HERC3: variants seen among roughly 807,000 people sequenced by gnomAD.
HERC3 encodes the protein HECT and RLD domain containing E3 ubiquitin protein ligase 3, also known as probable E3 ubiquitin-protein ligase HERC3.
In HERC3, 58 loss-of-function variants were observed where a neutral mutation model predicts 129.9. The ratio of observed to expected loss-of-function variants is 0.45; its 90% confidence interval spans 0.36 to 0.56. The LOEUF is 0.56. Ranked by LOEUF, HERC3 falls within the 20% of genes least tolerant of loss-of-function variation. The pLI is 0.00. For synonymous variants in HERC3, 430 were observed against 451.0 expected (o/e 0.95, Z 0.59); for missense variants, 835 against 1,244.2 (o/e 0.67, Z 4.95).
At position 88,659,153 on chromosome 4, in the gene HERC3, C is replaced by T. The variant is rs1223490121; in HGVS notation, c.1146+662C>T. Reference sequence around the variant, plus strand: ...TTGTTGTCAGTGCTGGACTCCTTCCCCTGTGCTTTCTCTCCTCTCTTCTCT... The same window carrying T: ...TTGTTGTCAGTGCTGGACTCCTTCCTCTGTGCTTTCTCTCCTCTCTTCTCT... On this transcript the variant is annotated intron_variant, in intron 10 of 25. Transcript: ENST00000402738. 2.0e-5 allele frequency among the ~76,000 whole-genome samples: 3 copies of T among 152,148 alleles called. No individual in the cohort carries two copies. In the East Asian group the frequency reaches 5.8e-4, roughly 29 times the overall value.
chr4:88,633,289 A>G (rs978020977), intron 3 of HERC3, among the ~76,000 whole-genome samples: 1 of 152,218 alleles, frequency 6.6e-6, no homozygotes, highest in Admixed American at 6.5e-5. Context: ...ATCAAGAATG[A>G]AGAAGAGGAA....
At chr4:88,557,094 C>T in the HERC3 span, among the ~76,000 whole-genome samples, 1 of 152,160 alleles carries the variant, frequency 6.6e-6, no homozygotes, top group Non-Finnish European at 1.5e-5. Flanking sequence ...CCTCTTCCTT[C>T]CTCTCCCTTT....
chr4:88,703,762 A>AT (rs1336238415), intron 23 of HERC3, among the ~76,000 whole-genome samples: 1 of 152,148 alleles, frequency 6.6e-6, no homozygotes, highest in Non-Finnish European at 1.5e-5. Flanking sequence ...AGGTCTTATT[A>AT]TTTTTTCCAC....
intron 1 of HERC3, among the ~76,000 whole-genome samples, chr4:88,595,069 C>G (rs1020677277): frequency 1.1e-4 from 15 of 138,980 alleles, no homozygotes; most frequent in African/African-American, 4.0e-4. Flanking sequence ...CCACTGCACT[C>G]CAGCCTGGGT....
At chr4:88,685,349 A>C (rs547669674) in intron 21 of HERC3, among the ~76,000 whole-genome samples, 2 of 152,238 alleles carry the variant, frequency 1.3e-5, no homozygotes, top group African/African-American at 4.8e-5. Context: ...AATCAACCCA[A>C]ATGCCCATCA....
intron 3 of HERC3, among the ~76,000 whole-genome samples, chr4:88,627,904 CAAAAAAAA>C (rs60358778): frequency 3.7e-5 from 3 of 80,960 alleles, no homozygotes; most frequent in East Asian, 2.6e-4. Flanking sequence ...AACTCCGTCT[CAAAAAAAA>C]AAAAAAAAAA....
chr4:88,606,287 C>T (rs986445274), intron 3 of HERC3, among the ~76,000 whole-genome samples: 19 of 150,188 alleles, frequency 1.3e-4, no homozygotes, highest in Non-Finnish European at 2.1e-4. Context: ...GGTCTCGCTC[C>T]GTCGCCCAGG....
At chr4:88,642,570 A>G (rs1375563809) in intron 3 of HERC3, among the ~76,000 whole-genome samples, 26 of 152,240 alleles carry the variant, frequency 1.7e-4, no homozygotes, top group Non-Finnish European at 8.8e-5. Context: ...TTCAAGGCCA[A>G]GGTGCCAACA....
chr4:88,670,303 G>A, intron 16 of HERC3, 51 bp downstream of exon 16: 1 of 1,177,882 alleles, frequency 8.5e-7, no homozygotes, highest in East Asian at 2.3e-5. Context: ...TATAAGAAAA[G>A]CACATGTGAG....
chr4:88,689,393 TC>T (rs1431791257), intron 23 of HERC3, among the ~76,000 whole-genome samples: 1 of 150,596 alleles, frequency 6.6e-6, no homozygotes, highest in African/African-American at 2.4e-5. Context: ...GCAGTGCACA[TC>T]TGTAGTTCCA....
chr4:88,615,983 G>A (rs907114158), intron 3 of HERC3, among the ~76,000 whole-genome samples: 4 of 152,072 alleles, frequency 2.6e-5, no homozygotes, highest in Non-Finnish European at 5.9e-5. Context: ...AATACATACA[G>A]TTTCTAGATG....
chr4:88,621,130 C>T (rs2869663), intron 3 of HERC3, among the ~76,000 whole-genome samples: 38,992 of 151,652 alleles, frequency 0.26, 5,337 homozygotes, highest in South Asian at 0.36. Context: ...TTTTTTGAGT[C>T]GGAGTCTCGC....
At chr4:88,654,463 A>G (rs1192892430) in intron 7 of HERC3, among the ~76,000 whole-genome samples, 1 of 146,106 alleles carries the variant, frequency 6.8e-6, no homozygotes, top group Non-Finnish European at 1.5e-5. Context: ...TAGATTATAT[A>G]TATAAATATA....
chr4:88,660,777 A>C (rs1334057746), intron 10 of HERC3, among the ~76,000 whole-genome samples: 1 of 152,080 alleles, frequency 6.6e-6, no homozygotes, highest in Non-Finnish European at 1.5e-5. Context: ...TTCCTGGAAC[A>C]GTGATTCTTA....
At chr4:88,664,973 A>C (rs1362458975) in intron 12 of HERC3, among the ~76,000 whole-genome samples, 1 of 152,124 alleles carries the variant, frequency 6.6e-6, no homozygotes, top group Non-Finnish European at 1.5e-5. Flanking sequence ...ATGGGTTTGG[A>C]TCTTTGGTAA....
intron 13 of HERC3, 127 bp from the exon 14 acceptor site, chr4:88,667,765 T>A: frequency 1.4e-6 from 1 of 717,674 alleles, no homozygotes; most frequent in East Asian, 2.6e-5. Context: ...GTCAGGCTCA[T>A]AGTAGGTTCT....
At chr4:88,642,816 AGACCATTG>A (rs1728265087) in intron 3 of HERC3, among the ~76,000 whole-genome samples, 1 of 151,892 alleles carries the variant, frequency 6.6e-6, no homozygotes, top group African/African-American at 2.4e-5. Flanking sequence ...TCAAACATTC[AGACCATTG>A]GACATGGCAA....
At chr4:88,590,995 T>G (rs1721673752), upstream of HERC3, among the ~76,000 whole-genome samples, 1 of 151,972 alleles carries the variant, frequency 6.6e-6, no homozygotes, top group Non-Finnish European at 1.5e-5. Context: ...GTTCCAGTGA[T>G]TCTCCTGCCT....
chr4:88,642,494 A>G (rs1039045433), intron 3 of HERC3, among the ~76,000 whole-genome samples: 3 of 152,246 alleles, frequency 2.0e-5, no homozygotes, highest in Admixed American at 6.5e-5. Context: ...TATAACAAAA[A>G]TATCACAAAC....
Sources: gnomAD v4.1 joint callset for allele counts (sites outside exome capture counted in the v4.1 genomes callset) on GRCh38, gnomAD v4.1.1 for gene constraint, MANE v1.5 for transcripts, NCBI Gene and HGNC (gene_info 2026-07-23, HGNC 2026-07-21) for gene names.